The following AJAP1 variants were observed in gnomAD, a reference collection of about 807,000 sequenced individuals.
AJAP1 encodes the protein adherens junction-associated protein 1.
Under a neutral mutation model 35.0 loss-of-function variants are expected in AJAP1, and 5 were observed. The ratio of observed to expected loss-of-function variants is 0.14; its 90% CI spans 0.07 to 0.30. The LOEUF is 0.30. AJAP1 is among the 10% of genes least tolerant of loss of function. The pLI is 1.00. For missense variants in AJAP1, 586 were observed against 571.0 expected, an observed-to-expected ratio of 1.03 and a Z score of -0.27; for synonymous variants, 284 against 249.3, an observed-to-expected ratio of 1.14 and a Z score of -1.31.
At chr1:4,708,269 C>T (rs535419772) in intron 1 of AJAP1, among the ~76,000 whole-genome samples, 28 of 152,128 alleles carry the variant, frequency 1.8e-4, no homozygotes, top group African/African-American at 4.6e-4. Flanking sequence ...TCTGGCCGGG[C>T]GGTATGTTCT....
At chr1:4,683,704 A>G (rs1639539067) in intron 1 of AJAP1, among the ~76,000 whole-genome samples, 2 of 152,196 alleles carry the variant, frequency 1.3e-5, no homozygotes, top group South Asian at 4.1e-4. Context: ...GCTGAAAACA[A>G]GCTGTCACAG....
intron 2 of AJAP1, among the ~76,000 whole-genome samples, chr1:4,759,654 T>A (rs1641519758): frequency 1.3e-5 from 2 of 152,190 alleles, no homozygotes; most frequent in Admixed American, 1.3e-4. Context: ...ACCAGGCACA[T>A]GTCTGCTGAA....
intron 2 of AJAP1, among the ~76,000 whole-genome samples, chr1:4,760,636 T>G (rs1641544713): frequency 6.6e-6 from 1 of 152,196 alleles, no homozygotes; most frequent in Admixed American, 6.5e-5. Flanking sequence ...TTGGGCCGCA[T>G]TCTCTGAATG....
intron 1 of AJAP1, among the ~76,000 whole-genome samples, chr1:4,701,332 T>C (rs1258090795): frequency 6.6e-6 from 1 of 152,194 alleles, no homozygotes; most frequent in African/African-American, 2.4e-5. Flanking sequence ...CATAGGTTGG[T>C]TACACGGGTT....
intron 1 of AJAP1, among the ~76,000 whole-genome samples, chr1:4,664,220 C>A (rs1219593342): frequency 6.6e-6 from 1 of 152,200 alleles, no homozygotes; most frequent in Non-Finnish European, 1.5e-5. Flanking sequence ...TGAACCGTTA[C>A]ATCCTGTTCT....
chr1:4,765,206 AAG>A (rs1355704764), intron 2 of AJAP1, among the ~76,000 whole-genome samples: 2 of 152,176 alleles, frequency 1.3e-5, no homozygotes, highest in African/African-American at 4.8e-5. Context: ...CTGAATTGCA[AAG>A]AGTTTGAAGA....
chr1:4,703,377 C>T (rs1262027589), intron 1 of AJAP1, among the ~76,000 whole-genome samples: 5 of 152,012 alleles, frequency 3.3e-5, no homozygotes, highest in African/African-American at 7.2e-5. Context: ...CCATCTGCAC[C>T]GTCCTGGTGG....
chr1:4,743,896 T>A (rs1201841062), intron 2 of AJAP1, among the ~76,000 whole-genome samples: 1 of 151,090 alleles, frequency 6.6e-6, no homozygotes, highest in African/African-American at 2.4e-5. Context: ...CGGGAGAAGG[T>A]GGGGCCACGG....
rs960134678 is a variant in AJAP1 at position 4,772,692 on chromosome 1, G to T, written c.1163+167G>T. ...CAGCTAATTTGGCAAAACGAAAGAG[G>T]CAGGGTTGATAGCAACAGGCGTTTA... On this transcript the variant is annotated intron_variant, in intron 4 of 5. Coordinates refer to ENST00000378191, the MANE Select transcript of AJAP1 (RefSeq NM_018836.4). Among the ~76,000 whole-genome samples, 4 of 152,328 alleles carry T rather than the reference G, an allele frequency of 2.6e-5. No individual in the cohort carries two copies. The South Asian group carries it at 6.2e-4, about 24-fold the overall frequency.
At chr1:4,767,159 T>G (rs1356843311) in intron 2 of AJAP1, among the ~76,000 whole-genome samples, 1 of 152,184 alleles carries the variant, frequency 6.6e-6, no homozygotes, top group African/African-American at 2.4e-5. Flanking sequence ...TTTCTGATTT[T>G]TTACCCCTTA....
chr1:4,776,783 G>A (rs1156976048), intron 5 of AJAP1, among the ~76,000 whole-genome samples: 1 of 151,962 alleles, frequency 6.6e-6, no homozygotes, highest in Admixed American at 6.6e-5. Flanking sequence ...TGCCTGAGGA[G>A]CTGTTTCAGG....
intron 1 of AJAP1, among the ~76,000 whole-genome samples, chr1:4,682,507 C>T (rs1009939635): frequency 4.6e-5 from 7 of 152,226 alleles, no homozygotes; most frequent in Admixed American, 1.3e-4. Flanking sequence ...ATGTCCCCAT[C>T]TGTGCTCTGT....
Position 4,782,069 on chromosome 1 carries a change from A to G in AJAP1, c.*60-476A>G, listed in dbSNP as rs1485793150. Among the ~76,000 whole-genome samples the G allele has an allele frequency of 6.6e-6, 1 of 152,142 alleles. No homozygotes were observed. Among genetic ancestry groups the G allele is most frequent in the African/African-American group, 2.4e-5 (1 of 41,424 alleles). On this transcript the variant is annotated intron_variant, in intron 5 of 5. Coordinates refer to ENST00000378191, the MANE Select transcript of AJAP1 (RefSeq NM_018836.4). The surrounding 1 kb of genome is among the most constrained non-coding windows in gnomAD (Gnocchi z 5.3). ...CGGGGATCCTGCAGCTGAGTAGTGG[A>G]CAGAAACAGACTCCCATTCTTCCCG...
intron 1 of AJAP1, among the ~76,000 whole-genome samples, chr1:4,689,982 T>C (rs1639701897): frequency 6.6e-6 from 1 of 152,044 alleles, no homozygotes; most frequent in African/African-American, 2.4e-5. Flanking sequence ...CCACATTTCA[T>C]CACTGCCCCC....
chr1:4,734,909 A>G lies in AJAP1; in HGVS notation c.829+22210A>G, dbSNP rs182565607. On this transcript the variant is annotated intron_variant, in intron 2 of 5. Transcript: ENST00000378191. This position sits in a 1 kb window ranked among gnomAD's most constrained non-coding sequence, Gnocchi z 4.3. ...TCAGCCTCCATCTGGCTTTCTGTCCACCGGCACAGATGGCAATGTTGTTTC... is the reference window on the plus strand; with the variant it reads ...TCAGCCTCCATCTGGCTTTCTGTCCGCCGGCACAGATGGCAATGTTGTTTC... Among the ~76,000 whole-genome samples, 1,155 of 152,258 alleles carry G rather than the reference A, an allele frequency of 7.6e-3. 5 individuals carry two copies. The highest frequency in any genetic ancestry group is 0.014 in the Middle Eastern group (4 of 294).
chr1:4,711,195 C>G (rs1396651922), intron 1 of AJAP1: 1 of 152,276 alleles, frequency 6.6e-6, no homozygotes. Flanking sequence ...AAGTAAGAAG[C>G]CTTCCCATGC....
At chr1:4,774,973 C>T (rs548647390) in intron 5 of AJAP1, among the ~76,000 whole-genome samples, 1 of 152,188 alleles carries the variant, frequency 6.6e-6, no homozygotes, top group South Asian at 2.1e-4. Context: ...AATCGCACCT[C>T]CATCACATGT....
chr1:4,663,056 G>A (rs1466791443), intron 1 of AJAP1, among the ~76,000 whole-genome samples: 3 of 152,182 alleles, frequency 2.0e-5, no homozygotes, highest in Non-Finnish European at 2.9e-5. Context: ...CCCTTCCCAG[G>A]GGGGCAGTGG....
In AJAP1 at chr1:4,656,005, T is replaced by A. The variant is rs570003529; in HGVS notation, c.29+551T>A. Among the ~76,000 whole-genome samples the A allele has an allele frequency of 6.6e-6, 1 of 151,964 alleles. No individual in the cohort carries two copies. On this transcript the variant is annotated intron_variant, in intron 1 of 5. Coordinates refer to ENST00000378191, the MANE Select transcript of AJAP1 (RefSeq NM_018836.4). The surrounding 1 kb of genome is among the most constrained non-coding windows in gnomAD (Gnocchi z 5.7). ...CCAGGCTCCCAGCTGCCGACCCAGC[T>A]GTTTGCGGGTGACCTCCGGGCCCGA...
Sources: allele counts gnomAD v4.1 joint callset (sites outside exome capture counted in the v4.1 genomes callset), GRCh38; gene constraint gnomAD v4.1.1; non-coding constraint Gnocchi (gnomAD v3.1); transcripts MANE v1.5; gene names NCBI Gene and HGNC (gene_info 2026-07-23, HGNC 2026-07-21).